Variants in RUNX3 observed in about 807,000 individuals in gnomAD.
RUNX3 encodes runt-related transcription factor 3.
Under a neutral mutation model 27.7 loss-of-function variants are expected in RUNX3, and 10 were observed. That is an observed-to-expected ratio of 0.36 (90% CI 0.22 to 0.61). RUNX3 has a LOEUF of 0.61. RUNX3 is among the 20% of genes least tolerant of loss of function. The probability of loss-of-function intolerance (pLI) is 0.72; values close to 1 mark genes in which losing one functional copy is unlikely to be tolerated. For synonymous variants in RUNX3, 270 were observed against 269.2 expected (o/e 1.00, Z -0.03); for missense variants, 469 against 629.5 (o/e 0.75, Z 2.73).
intron 2 of RUNX3, among the ~76,000 whole-genome samples, chr1:24,942,985 G>C (rs1641515016): frequency 6.6e-6 from 1 of 152,038 alleles, no homozygotes; most frequent in South Asian, 2.1e-4. Flanking sequence ...TGGGCAGCTG[G>C]GTAGGGTCTA....
At chr1:24,942,161 C>G (rs1188898246) in intron 2 of RUNX3, among the ~76,000 whole-genome samples, 1 of 151,952 alleles carries the variant, frequency 6.6e-6, no homozygotes, top group African/African-American at 2.4e-5. Context: ...CTTAGCAGCT[C>G]TGAGCTTAGA....
At chr1:24,906,016 G>C (rs905456499) in intron 4 of RUNX3, among the ~76,000 whole-genome samples, 16 of 152,256 alleles carry the variant, frequency 1.1e-4, no homozygotes, top group Non-Finnish European at 1.0e-4. Context: ...GCAGGACCAA[G>C]GCCAAAAGTC....
chr1:24,964,248 C>T (rs1040966260), intron 2 of RUNX3, among the ~76,000 whole-genome samples: 3 of 152,206 alleles, frequency 2.0e-5, no homozygotes. Flanking sequence ...CTGAGGGCTG[C>T]CCTTTGAGGT....
At chr1:24,926,601 G>A (rs531122962) in intron 2 of RUNX3, among the ~76,000 whole-genome samples, 13 of 152,302 alleles carry the variant, frequency 8.5e-5, no homozygotes, top group South Asian at 8.3e-4. Context: ...GTTTCAGAGC[G>A]GGGCTGGCAG....
In RUNX3 at chr1:24,927,865, G is replaced by T; in HGVS notation, c.283-135C>A. 1 of 708,400 alleles carries T rather than the reference G, an allele frequency of 1.4e-6. No homozygotes were observed. The highest frequency in any genetic ancestry group is 2.6e-5 in the Admixed American group (1 of 39,162). 43.9% of individuals were successfully genotyped at this position (708,400 alleles called of 1,614,324 possible). On this transcript the variant is annotated intron_variant, in intron 1 of 4. Coordinates refer to ENST00000308873, the MANE Select transcript of RUNX3 (RefSeq NM_004350.3). This position sits in a 1 kb window ranked among gnomAD's most constrained non-coding sequence, Gnocchi z 5.0. ...ACTGAGTATTTCTCCAATGCAGGGT[G>T]GAGAAGAGGCTTAAAAACAATAAAG...
intron 2 of RUNX3, among the ~76,000 whole-genome samples, chr1:24,941,252 C>A (rs115210569): frequency 1.5e-3 from 222 of 152,234 alleles, no homozygotes; most frequent in African/African-American, 5.2e-3. Context: ...GACCAGTAGC[C>A]CTTCAGGTAT....
intron 2 of RUNX3, among the ~76,000 whole-genome samples, chr1:24,936,997 G>T (rs935366053): frequency 6.6e-6 from 1 of 152,206 alleles, no homozygotes; most frequent in South Asian, 2.1e-4. Context: ...TGTGCTGTAC[G>T]CATGGCATGA....
chr1:24,910,503 T>G (rs548684171), intron 3 of RUNX3, among the ~76,000 whole-genome samples: 4 of 152,142 alleles, frequency 2.6e-5, no homozygotes, highest in Non-Finnish European at 5.9e-5. Flanking sequence ...TGTCGACCAC[T>G]GTAGGGCATG....
chr1:24,930,666 G>C (rs1035400776), upstream of RUNX3, among the ~76,000 whole-genome samples: 1 of 152,108 alleles, frequency 6.6e-6, no homozygotes, highest in Non-Finnish European at 1.5e-5. This position sits in a 1 kb window ranked among gnomAD's most constrained non-coding sequence, Gnocchi z 4.1. Flanking sequence ...TTGCTGCTTC[G>C]GGCCTGTGAC....
In RUNX3 at chr1:24,916,233, A is replaced by T. The variant is rs1041686557; in HGVS notation, c.544+3007T>A. On this transcript the variant is annotated intron_variant, in intron 3 of 4. Transcript: ENST00000308873. This position sits in a 1 kb window ranked among gnomAD's most constrained non-coding sequence, Gnocchi z 4.8. ...AGTCCAGGAGCACAAAAGGCCTGTAACAACCTGTGAAGGTTGTGGGGGCAC... is the reference window on the plus strand; with the variant it reads ...AGTCCAGGAGCACAAAAGGCCTGTATCAACCTGTGAAGGTTGTGGGGGCAC... 1.5e-4 allele frequency among the ~76,000 whole-genome samples: 23 copies of T among 152,366 alleles called. No individual in the cohort carries two copies. Among genetic ancestry groups the T allele is most frequent in the Non-Finnish European group, 3.2e-4 (22 of 68,036 alleles).
rs1640896088 is a variant in RUNX3, at chr1:24,916,710, G to C, written c.544+2530C>G. On this transcript the variant is annotated intron_variant, in intron 3 of 4. Coordinates refer to ENST00000308873, the MANE Select transcript of RUNX3 (RefSeq NM_004350.3). This position sits in a 1 kb window ranked among gnomAD's most constrained non-coding sequence, Gnocchi z 4.8. ...GATATGCCAGGGACAGGAACAGGCA[G>C]GTCCTAAGGATGGGGGACCTAGTAG... is the stretch of plus-strand genomic sequence containing the variant. Among the ~76,000 whole-genome samples the C allele has an allele frequency of 6.6e-6, 1 of 152,178 alleles. No homozygotes were observed. Among genetic ancestry groups the C allele is most frequent in the Non-Finnish European group, 1.5e-5 (1 of 68,020 alleles).
intron 2 of RUNX3, among the ~76,000 whole-genome samples, chr1:24,939,393 G>A (rs1288329672): frequency 6.6e-6 from 1 of 152,246 alleles, no homozygotes; most frequent in Non-Finnish European, 1.5e-5. Context: ...ATGCTCCTAG[G>A]AGATGCCTCT....
intron 1 of RUNX3, chr1:24,928,705 T>C (rs1307241553): frequency 1.5e-5 from 3 of 195,812 alleles, no homozygotes; most frequent in African/African-American, 4.8e-5. Context: ...CCCGGCGAGA[T>C]TTCCCCCACT....
intron 3 of RUNX3, among the ~76,000 whole-genome samples, chr1:24,909,593 T>C (rs1053750404): frequency 6.6e-6 from 1 of 152,244 alleles, no homozygotes; most frequent in South Asian, 2.1e-4. Context: ...AGAATGACGC[T>C]GCTCTCCCTC....
rs1640622323 is a variant in RUNX3, at chr1:24,904,414, G to A, written c.704-1748C>T. Among the ~76,000 whole-genome samples, 2 of 152,208 alleles carry A rather than the reference G, an allele frequency of 1.3e-5. No individual in the cohort carries two copies. The highest frequency in any genetic ancestry group is 6.5e-5 in the Admixed American group (1 of 15,290). On this transcript the variant is annotated intron_variant, in intron 4 of 4. Coordinates refer to ENST00000308873, the MANE Select transcript of RUNX3 (RefSeq NM_004350.3). This position sits in a 1 kb window ranked among gnomAD's most constrained non-coding sequence, Gnocchi z 5.7. ...AAGGTAAGAAGATGTGGGGACAGCA[G>A]TCTGGGTGGCGGGGGCCTTCTGGGA...
chr1:24,935,262 C>T (rs903769094), upstream of RUNX3, among the ~76,000 whole-genome samples: 8 of 152,250 alleles, frequency 5.3e-5, no homozygotes, highest in Non-Finnish European at 7.3e-5. Flanking sequence ...AGACGTGTTT[C>T]CCTCTGGGCC....
intron 2 of RUNX3, among the ~76,000 whole-genome samples, chr1:24,960,204 C>T (rs1010192229): frequency 1.3e-5 from 2 of 152,186 alleles, no homozygotes; most frequent in African/African-American, 2.4e-5. Flanking sequence ...GACCCAGTTT[C>T]CCCCGGGCTC....
rs1557837347 is a variant in RUNX3 at position 24,908,198 on chromosome 1, C to CGAACCTCTACGACACGCGGTGATCT, written c.545-806_545-782dup. 6.0e-5 allele frequency among the ~76,000 whole-genome samples: 8 copies of CGAACCTCTACGACACGCGGTGATCT among 132,586 alleles called. 1 individual carries two copies. The highest frequency in any genetic ancestry group is 9.5e-5 in the Non-Finnish European group (6 of 63,408). The allele number at this position is 132,586 out of a possible 152,430, so 87.0% of individuals were successfully genotyped here. The stretch of plus-strand genomic sequence containing the variant: ...CGAAGCTCTACGACACGCGGTGATC[C>CGAACCTCTACGACACGCGGTGATCT]GAACCTCTACGACACGCGGTGATCT... On this transcript the variant is annotated intron_variant, in intron 3 of 4. Transcript: ENST00000308873.
chr1:24,964,858 C>T, exon 1 of RUNX3: 1 of 619,362 alleles, frequency 1.6e-6, no homozygotes. Context: ...ATTCCCGGTC[C>T]CACAGGAATG....
Sources: allele counts gnomAD v4.1 joint callset (sites outside exome capture counted in the v4.1 genomes callset), GRCh38; gene constraint gnomAD v4.1.1; non-coding constraint Gnocchi (gnomAD v3.1); transcripts MANE v1.5; gene names NCBI Gene and HGNC (gene_info 2026-07-23, HGNC 2026-07-21).